PLEKHA2: variants seen among roughly 807,000 people sequenced by gnomAD.
The protein encoded by PLEKHA2 is pleckstrin homology domain containing A2.
PLEKHA2 carries 28 observed loss-of-function variants against 53.2 expected under a neutral mutation model. That is an observed-to-expected ratio of 0.53 (90% CI 0.39 to 0.72). The LOEUF (loss-of-function observed/expected upper bound fraction) is 0.72, where lower values mean the gene tolerates loss of function less well. Ranked by LOEUF, PLEKHA2 falls within the 30% of genes least tolerant of loss-of-function variation. The pLI is 0.00. For synonymous variants in PLEKHA2, 193 were observed against 196.4 expected (o/e 0.98, Z 0.14); for missense variants, 426 against 537.9 (o/e 0.79, Z 2.06).
chr8:38,949,416 T>C (rs115457172), intron 5 of PLEKHA2, among the ~76,000 whole-genome samples: 4,749 of 152,250 alleles, frequency 0.031, 230 homozygotes, highest in African/African-American at 0.1. Context: ...GTATTTTCTA[T>C]CTAAAAGGGA....
chr8:38,959,825 T>C (rs997302402), intron 10 of PLEKHA2, among the ~76,000 whole-genome samples: 1 of 152,210 alleles, frequency 6.6e-6, no homozygotes, highest in African/African-American at 2.4e-5. Context: ...TCAGGATGGC[T>C]CATGGCACCA....
intron 3 of PLEKHA2, among the ~76,000 whole-genome samples, chr8:38,936,694 G>A (rs1400870409): frequency 6.6e-6 from 1 of 152,248 alleles, no homozygotes; most frequent in South Asian, 2.1e-4. Context: ...ACTGGTTAAC[G>A]GTGCCCACAT....
At chr8:38,936,645 C>T (rs956677834) in intron 3 of PLEKHA2, among the ~76,000 whole-genome samples, 8 of 152,188 alleles carry the variant, frequency 5.3e-5, no homozygotes, top group Non-Finnish European at 1.2e-4. Flanking sequence ...CAGAAGGGGC[C>T]GGAGCAGGCC....
At chr8:38,939,907 G>A (rs573265542) in intron 3 of PLEKHA2, among the ~76,000 whole-genome samples, 3 of 151,902 alleles carry the variant, frequency 2.0e-5, no homozygotes, top group South Asian at 2.1e-4. Flanking sequence ...GTAACATAGC[G>A]AGACCCTGTC....
chr8:38,930,088 T>C (rs768513436), intron 2 of PLEKHA2, among the ~76,000 whole-genome samples: 10 of 152,212 alleles, frequency 6.6e-5, no homozygotes, highest in Non-Finnish European at 1.3e-4. Context: ...GCCATATATT[T>C]TCCCCCCTGG....
At chr8:38,968,806 T>C in intron 11 of PLEKHA2, 137 bp downstream of exon 11, 2 of 775,602 alleles carry the variant, frequency 2.6e-6, no homozygotes, top group South Asian at 1.9e-5. Flanking sequence ...TTGCTTGTTT[T>C]TCTCATTCTA....
At chr8:38,923,038 G>C (rs1171155088) in intron 2 of PLEKHA2, among the ~76,000 whole-genome samples, 3 of 152,124 alleles carry the variant, frequency 2.0e-5, no homozygotes, top group Admixed American at 1.3e-4. Flanking sequence ...GGGTTAGCTG[G>C]GGAGAGGAAA....
intron 3 of PLEKHA2, among the ~76,000 whole-genome samples, chr8:38,937,249 G>C (rs1448207195): frequency 3.9e-5 from 6 of 152,222 alleles, no homozygotes; most frequent in African/African-American, 1.4e-4. Context: ...TTCAAGTCCA[G>C]CCTTGCTAGC....
At chr8:38,951,019 G>C (rs756894676) in intron 6 of PLEKHA2, 29 bp downstream of exon 6, 38 of 1,599,626 alleles carry the variant, frequency 2.4e-5, no homozygotes, top group South Asian at 1.8e-4. Context: ...GCTGCGGGGG[G>C]AGTGGGGGTG....
At chr8:38,943,899 T>C in intron 4 of PLEKHA2, 62 bp downstream of exon 4, 1 of 1,380,568 alleles carries the variant, frequency 7.2e-7, no homozygotes, top group Non-Finnish European at 1.0e-6. Flanking sequence ...CTCTTTTGCA[T>C]GGAGACAGTC....
chr8:38,932,886 G>A (rs1834419487), intron 2 of PLEKHA2, among the ~76,000 whole-genome samples: 1 of 152,194 alleles, frequency 6.6e-6, no homozygotes, highest in African/African-American at 2.4e-5. Flanking sequence ...GCAGACTGTG[G>A]GTGGGGTGTG....
At chr8:38,912,958 T>A (rs1833976218) in intron 1 of PLEKHA2, among the ~76,000 whole-genome samples, 1 of 152,180 alleles carries the variant, frequency 6.6e-6, no homozygotes, top group Non-Finnish European at 1.5e-5. Context: ...CCTGAATGCT[T>A]ATCTTTCCCT....
intron 1 of PLEKHA2, among the ~76,000 whole-genome samples, chr8:38,904,643 C>T (rs1833843244): frequency 6.6e-6 from 1 of 152,156 alleles, no homozygotes; most frequent in Non-Finnish European, 1.5e-5. Flanking sequence ...TTTTAAACCT[C>T]CTGGAGAATT....
chr8:38,917,095 T>A (rs571797809), intron 1 of PLEKHA2, among the ~76,000 whole-genome samples: 2 of 152,364 alleles, frequency 1.3e-5, no homozygotes, highest in South Asian at 4.1e-4. Context: ...TCTGTTTAAA[T>A]CTTTTGTCCA....
rs140331521 is a variant in PLEKHA2 at position 38,941,030 on chromosome 8, T to C, written c.199-2759T>C. Among the ~76,000 whole-genome samples, 7 of 151,350 alleles carry C rather than the reference T, an allele frequency of 4.6e-5. No individual in the cohort carries two copies. In the East Asian group the frequency reaches 1.4e-3, roughly 29 times the overall value. On this transcript the variant is annotated intron_variant, in intron 3 of 11. Transcript: ENST00000617275. Reference sequence around the variant, plus strand: ...TCTTGCACACGCACAAAAGGATTCTTGTGAGCTAAGAAAATCTAAGGTATC... The same window carrying C: ...TCTTGCACACGCACAAAAGGATTCTCGTGAGCTAAGAAAATCTAAGGTATC...
chr8:38,905,465 A>C, intron 1 of PLEKHA2, among the ~76,000 whole-genome samples: 1 of 151,632 alleles, frequency 6.6e-6, no homozygotes, highest in Non-Finnish European at 1.5e-5. Context: ...CTCTAAAAAA[A>C]AAAAATTTTT....
chr8:38,929,149 G>A (rs1373527365), intron 2 of PLEKHA2, among the ~76,000 whole-genome samples: 1 of 152,234 alleles, frequency 6.6e-6, no homozygotes, highest in Non-Finnish European at 1.5e-5. Flanking sequence ...AGACAGCAAT[G>A]TCAGCTCATG....
intron 2 of PLEKHA2, among the ~76,000 whole-genome samples, chr8:38,928,664 G>T (rs955395318): frequency 6.6e-6 from 1 of 152,140 alleles, no homozygotes; most frequent in African/African-American, 2.4e-5. Flanking sequence ...GCTGATACTG[G>T]TGTCTGTCAA....
At chr8:38,912,909 G>GT (rs1447232677) in intron 1 of PLEKHA2, among the ~76,000 whole-genome samples, 2 of 152,280 alleles carry the variant, frequency 1.3e-5, no homozygotes, top group African/African-American at 2.4e-5. Flanking sequence ...CTGAGCAGCT[G>GT]TTTTTTTCTA....
Sources: allele counts gnomAD v4.1 joint callset (sites outside exome capture counted in the v4.1 genomes callset), GRCh38; gene constraint gnomAD v4.1.1; transcripts MANE v1.5; gene names NCBI Gene and HGNC (gene_info 2026-07-23, HGNC 2026-07-21).